The following ROBO2 variants were observed in gnomAD, a reference collection of about 807,000 sequenced individuals.
The protein encoded by ROBO2 is roundabout guidance receptor 2.
Under a neutral mutation model 160.8 loss-of-function variants are expected in ROBO2, and 53 were observed. That is an observed-to-expected ratio of 0.33 (90% CI 0.26 to 0.41). The LOEUF (loss-of-function observed/expected upper bound fraction) is 0.41. Among genes scored for constraint, ROBO2 ranks in the 10% least tolerant of loss-of-function variants. ROBO2 has a pLI of 1.00. For synonymous variants in ROBO2, 664 were observed against 611.7 expected (o/e 1.09, Z -1.26); for missense variants, 1,577 against 1,722.4 (o/e 0.92, Z 1.49).
rs1403370140 is a variant in ROBO2, at chr3:76,453,712, C to T, written c.109+516110C>T. 2.6e-5 allele frequency among the ~76,000 whole-genome samples: 4 copies of T among 152,084 alleles called. No individual in the cohort carries two copies. The East Asian group carries it at 5.8e-4, about 22-fold the overall frequency. On this transcript the variant is annotated intron_variant, in intron 2 of 26. Coordinates refer to the ROBO2 transcript ENST00000487694. ...TGGTAATGTGACCTGCCAAACATGT[C>T]ATGGGCATGCAATTAGGCACCTTTG...
chr3:76,744,296 T>C (rs1463436203), intron 2 of ROBO2, among the ~76,000 whole-genome samples: 2 of 152,004 alleles, frequency 1.3e-5, no homozygotes, highest in Non-Finnish European at 2.9e-5. Flanking sequence ...CTTCTTCCCC[T>C]CCTCTTCCTC....
At chr3:75,946,593 C>T (rs1948302294) in intron 2 of ROBO2, among the ~76,000 whole-genome samples, 1 of 151,958 alleles carries the variant, frequency 6.6e-6, no homozygotes, top group Non-Finnish European at 1.5e-5. Flanking sequence ...ATTTTTCTCT[C>T]TGAGGAGGTA....
intron 2 of ROBO2, among the ~76,000 whole-genome samples, chr3:77,383,427 AT>A (rs1267565896): frequency 6.6e-6 from 1 of 151,836 alleles, no homozygotes; most frequent in African/African-American, 2.4e-5. Context: ...TAAAATATTT[AT>A]TTTTCTCTTT....
At chr3:76,681,511 G>T (rs961877030) in intron 2 of ROBO2, among the ~76,000 whole-genome samples, 4 of 151,882 alleles carry the variant, frequency 2.6e-5, no homozygotes, top group Non-Finnish European at 5.9e-5. Context: ...GCTGAGTCTG[G>T]CTTATAAGCC....
At chr3:75,934,617 C>T (rs1328685867) in intron 1 of ROBO2, among the ~76,000 whole-genome samples, 1 of 152,136 alleles carries the variant, frequency 6.6e-6, no homozygotes, top group African/African-American at 2.4e-5. Flanking sequence ...TTAGATCATA[C>T]ATCATAGTAA....
intron 2 of ROBO2, among the ~76,000 whole-genome samples, chr3:77,317,896 TA>T (rs1291079665): frequency 9.0e-5 from 1 of 11,068 alleles, no homozygotes; most frequent in Non-Finnish European, 1.6e-4. Context: ...GGGGGGCTGC[TA>T]GGGGCGCTGC....
intron 2 of ROBO2, among the ~76,000 whole-genome samples, chr3:76,922,284 C>T (rs527506964): frequency 2.0e-5 from 3 of 152,286 alleles, no homozygotes; most frequent in African/African-American, 7.2e-5. Context: ...GCACTCCAGC[C>T]TGGGCGACAG....
At chr3:77,312,470 A>G (rs547073448) in intron 2 of ROBO2, among the ~76,000 whole-genome samples, 1 of 152,368 alleles carries the variant, frequency 6.6e-6, no homozygotes, top group African/African-American at 2.4e-5. Context: ...AGGACACAAG[A>G]GCAAGTGAAT....
At chr3:77,470,048 T>C (rs2083199742) in intron 2 of ROBO2, among the ~76,000 whole-genome samples, 1 of 151,970 alleles carries the variant, frequency 6.6e-6, no homozygotes, top group Admixed American at 6.6e-5. Context: ...CAGCTAGGAG[T>C]TACTTGCAGG....
intron 2 of ROBO2, among the ~76,000 whole-genome samples, chr3:77,442,471 C>A (rs1357362519): frequency 1.3e-5 from 2 of 152,092 alleles, no homozygotes; most frequent in African/African-American, 2.4e-5. Flanking sequence ...AAAACCTTTT[C>A]TTCATGGCAG....
rs1270663963 is a variant in ROBO2, at chr3:76,144,834, A to G, written c.109+207232A>G. Among the ~76,000 whole-genome samples the G allele has an allele frequency of 2.0e-5, 3 of 151,936 alleles. No individual in the cohort carries two copies. In the East Asian group the frequency reaches 5.8e-4, roughly 29 times the overall value. On this transcript the variant is annotated intron_variant, in intron 2 of 26. Transcript: ENST00000487694. ...CATACATTTTCCTGAAAAGAGTTCC[A>G]TGGCTTTCAAGAAACTCTCATTGCC...
intron 2 of ROBO2, among the ~76,000 whole-genome samples, chr3:76,732,842 G>C (rs2093656754): frequency 6.6e-6 from 1 of 152,094 alleles, no homozygotes; most frequent in African/African-American, 2.4e-5. Context: ...TTTTGCTTTT[G>C]TTCTAATACG....
intron 2 of ROBO2, among the ~76,000 whole-genome samples, chr3:76,296,964 G>A (rs571102342): frequency 2.6e-5 from 4 of 152,184 alleles, no homozygotes; most frequent in South Asian, 2.1e-4. Context: ...CATTATTTTT[G>A]TTTACATTAC....
At chr3:76,196,241 G>A (rs937829014) in intron 2 of ROBO2, among the ~76,000 whole-genome samples, 2 of 152,132 alleles carry the variant, frequency 1.3e-5, no homozygotes, top group Non-Finnish European at 2.9e-5. Context: ...TGATGATACT[G>A]ACTTAAAGTC....
chr3:76,738,221 A>G (rs371963706), intron 2 of ROBO2, among the ~76,000 whole-genome samples: 4 of 152,226 alleles, frequency 2.6e-5, no homozygotes, highest in Non-Finnish European at 5.9e-5. Flanking sequence ...ACTTTTCTAC[A>G]CATAATAAAG....
chr3:76,823,218 C>T (rs1446404235), intron 2 of ROBO2, among the ~76,000 whole-genome samples: 1 of 152,058 alleles, frequency 6.6e-6, no homozygotes, highest in Non-Finnish European at 1.5e-5. Flanking sequence ...TCCTTGCTTT[C>T]TGGTATGACA....
chr3:76,710,390 A>C (rs577876286), intron 2 of ROBO2, among the ~76,000 whole-genome samples: 6 of 152,160 alleles, frequency 3.9e-5, no homozygotes, highest in Non-Finnish European at 8.8e-5. Flanking sequence ...AAGTGCTGGG[A>C]TTACAGGTGT....
At position 77,164,920 on chromosome 3, in the gene ROBO2, C is replaced by A. The variant is rs1487237344; in HGVS notation, c.388+66580C>A. Among the ~76,000 whole-genome samples the A allele has an allele frequency of 1.3e-4, 14 of 109,584 alleles. 1 individual carries two copies. The highest frequency in any genetic ancestry group is 4.0e-4 in the African/African-American group (13 of 32,626). 71.9% of individuals were successfully genotyped at this position (109,584 alleles called of 152,430 possible). ...CAGCCCCCCGCCCGGCCAGCCGCCC[C>A]GTCCGGGAGGGAGGTGGGGGCGGTC... is the stretch of plus-strand genomic sequence containing the variant. On this transcript the variant is annotated intron_variant, in intron 2 of 25. Transcript: ENST00000461745.
intron 2 of ROBO2, among the ~76,000 whole-genome samples, chr3:76,189,949 A>T: frequency 6.6e-6 from 1 of 152,122 alleles, no homozygotes; most frequent in East Asian, 1.9e-4. Context: ...TCAGGCCTAA[A>T]TCTGTGTGTT....
Sources: allele counts gnomAD v4.1 joint callset (sites outside exome capture counted in the v4.1 genomes callset), GRCh38; gene constraint gnomAD v4.1.1; transcripts MANE v1.5; gene names NCBI Gene and HGNC (gene_info 2026-07-23, HGNC 2026-07-21).